The following NALF1 variants were observed in gnomAD, a reference collection of about 807,000 sequenced individuals.
NALF1 encodes the protein NALCN channel auxiliary factor 1.
NALF1 carries 3 observed loss-of-function variants against 48.4 expected under a neutral mutation model. That is an observed-to-expected ratio of 0.06 (90% CI 0.03 to 0.16). The LOEUF (loss-of-function observed/expected upper bound fraction) is 0.16. NALF1 is among the 10% of genes least tolerant of loss of function. The pLI is 1.00. For synonymous variants in NALF1, 262 were observed against 245.7 expected, an observed-to-expected ratio of 1.07 and a Z score of -0.62; for missense variants, 526 against 571.5, an observed-to-expected ratio of 0.92 and a Z score of 0.81.
intron 1 of NALF1, among the ~76,000 whole-genome samples, chr13:107,335,885 A>T (rs1279530216): frequency 6.6e-6 from 1 of 152,156 alleles, no homozygotes; most frequent in African/African-American, 2.4e-5. Flanking sequence ...TCTTATCTTG[A>T]TCCTTTTATT....
chr13:107,406,260 T>C (rs1175568024), intron 1 of NALF1, among the ~76,000 whole-genome samples: 1 of 152,026 alleles, frequency 6.6e-6, no homozygotes, highest in Admixed American at 6.6e-5. Context: ...TTAATGTAAA[T>C]AGATTAAACT....
At chr13:107,595,458 G>C (rs1209720099) in intron 1 of NALF1, among the ~76,000 whole-genome samples, 1 of 152,006 alleles carries the variant, frequency 6.6e-6, no homozygotes, top group Non-Finnish European at 1.5e-5. Flanking sequence ...GAATGCTGAG[G>C]AACATTTTTC....
intron 1 of NALF1, among the ~76,000 whole-genome samples, chr13:107,371,722 A>G (rs1332117867): frequency 6.6e-6 from 1 of 152,164 alleles, no homozygotes; most frequent in African/African-American, 2.4e-5. Context: ...GGTTGTACAG[A>G]CCTTGAGAAG....
chr13:107,320,119 G>A (rs1264472929), intron 1 of NALF1, among the ~76,000 whole-genome samples: 1 of 152,092 alleles, frequency 6.6e-6, no homozygotes, highest in Non-Finnish European at 1.5e-5. Context: ...CCAGTCTTTT[G>A]ACTTGCTAAT....
At chr13:107,322,623 A>G (rs1255163796) in intron 1 of NALF1, among the ~76,000 whole-genome samples, 1 of 152,156 alleles carries the variant, frequency 6.6e-6, no homozygotes, top group Non-Finnish European at 1.5e-5. Flanking sequence ...GAGTTCTTCC[A>G]GCAGCTTCCT....
chr13:107,608,375 GC>G (rs1338177560), intron 1 of NALF1, among the ~76,000 whole-genome samples: 1 of 152,170 alleles, frequency 6.6e-6, no homozygotes, highest in Non-Finnish European at 1.5e-5. Context: ...ATAATTCCAG[GC>G]CCCCTATTGC....
chr13:107,534,501 T>C (rs994046621), intron 1 of NALF1, among the ~76,000 whole-genome samples: 1 of 152,186 alleles, frequency 6.6e-6, no homozygotes, highest in Non-Finnish European at 1.5e-5. Flanking sequence ...GGTGTACATA[T>C]GCAGAATGTG....
intron 1 of NALF1, among the ~76,000 whole-genome samples, chr13:107,690,505 C>T (rs1881542087): frequency 6.6e-6 from 1 of 152,142 alleles, no homozygotes; most frequent in Admixed American, 6.6e-5. Flanking sequence ...TCTCCTGGGG[C>T]AGATTTACAG....
intron 1 of NALF1, among the ~76,000 whole-genome samples, chr13:107,414,827 GT>G (rs1365743207): frequency 2.6e-5 from 4 of 152,024 alleles, no homozygotes; most frequent in Non-Finnish European, 4.4e-5. Context: ...GTGTGTGTGT[GT>G]GTGTATGTGT....
rs1318965930 is a variant in NALF1 at position 107,866,314 on chromosome 13, GCTGCTGCTGCTGCTGCCGCTGCCT to G, written c.259_282del (p.Arg87_Gln94del). On this transcript the variant is annotated inframe_deletion, in exon 1 of 3. Transcript: ENST00000375915. The surrounding 1 kb of genome is among the most constrained non-coding windows in gnomAD (Gnocchi z 4.4). ...CAGGAGGGCTCCTGCTGCCGCCGCT[GCTGCTGCTGCTGCTGCCGCTGCCT>G]CTGCTGCTGCTGCTGCTGCTGCTGC... is the stretch of plus-strand genomic sequence containing the variant. 1.1e-5 allele frequency: 18 copies of G among 1,607,334 alleles called. No individual in the cohort carries two copies. Among genetic ancestry groups the G allele is most frequent in the South Asian group, 3.3e-5 (3 of 90,882 alleles).
At chr13:107,707,280 A>G (rs1875424135) in intron 1 of NALF1, among the ~76,000 whole-genome samples, 1 of 152,230 alleles carries the variant, frequency 6.6e-6, no homozygotes, top group African/African-American at 2.4e-5. Flanking sequence ...AATAAATCCA[A>G]TAATCTGGAA....
chr13:107,459,738 T>C (rs1884886814), intron 1 of NALF1, among the ~76,000 whole-genome samples: 1 of 152,096 alleles, frequency 6.6e-6, no homozygotes, highest in Non-Finnish European at 1.5e-5. Flanking sequence ...ATGCTTCTTA[T>C]TTTTTATTTT....
At chr13:107,825,078 A>C (rs1879473417) in intron 1 of NALF1, among the ~76,000 whole-genome samples, 2 of 152,232 alleles carry the variant, frequency 1.3e-5, no homozygotes, top group African/African-American at 4.8e-5. Context: ...AACACTACTA[A>C]TAATAAACCA....
chr13:107,280,539 C>T (rs1881366628), intron 1 of NALF1, among the ~76,000 whole-genome samples: 1 of 152,090 alleles, frequency 6.6e-6, no homozygotes, highest in African/African-American at 2.4e-5. Flanking sequence ...TGATTAACTT[C>T]CAAAACATAA....
chr13:107,741,996 T>C (rs1205683422), intron 1 of NALF1, among the ~76,000 whole-genome samples: 5 of 152,118 alleles, frequency 3.3e-5, no homozygotes, highest in African/African-American at 9.7e-5. Context: ...AATCATACAT[T>C]AAAAATTAAG....
chr13:107,437,051 T>C (rs1281388423), intron 1 of NALF1, among the ~76,000 whole-genome samples: 1 of 150,994 alleles, frequency 6.6e-6, no homozygotes, highest in South Asian at 2.1e-4. Context: ...CATATAAACG[T>C]AAGCAACCCA....
chr13:107,443,253 T>A (rs1884595600), intron 1 of NALF1, among the ~76,000 whole-genome samples: 1 of 152,122 alleles, frequency 6.6e-6, no homozygotes, highest in African/African-American at 2.4e-5. Context: ...TCTTGATCTG[T>A]CACCCAGGCT....
intron 1 of NALF1, among the ~76,000 whole-genome samples, chr13:107,319,480 G>A (rs896373650): frequency 8.6e-5 from 13 of 151,924 alleles, no homozygotes; most frequent in Non-Finnish European, 1.3e-4. Context: ...AGATAAAGGC[G>A]CAATATAAGG....
At chr13:107,779,979 A>C (rs1877838587) in intron 1 of NALF1, among the ~76,000 whole-genome samples, 4 of 151,816 alleles carry the variant, frequency 2.6e-5, no homozygotes, top group Admixed American at 2.6e-4. Context: ...TGGAATGTTT[A>C]TCTTCATACA....
Sources: allele counts gnomAD v4.1 joint callset (sites outside exome capture counted in the v4.1 genomes callset), GRCh38; gene constraint gnomAD v4.1.1; non-coding constraint Gnocchi (gnomAD v3.1); transcripts MANE v1.5; gene names NCBI Gene and HGNC (gene_info 2026-07-23, HGNC 2026-07-21).